Variants in ARMC3 observed in about 807,000 individuals in gnomAD.
ARMC3 encodes the protein armadillo repeat-containing protein 3.
Under a neutral mutation model 90.3 loss-of-function variants are expected in ARMC3, and 74 were observed. The ratio of observed to expected loss-of-function variants is 0.82; its 90% CI spans 0.68 to 0.99. ARMC3 has a LOEUF of 0.99. Ranked by LOEUF, ARMC3 falls within the 50% of genes least tolerant of loss-of-function variation. The probability of loss-of-function intolerance (pLI) is 0.00; values close to 1 mark genes in which losing one functional copy is unlikely to be tolerated. For missense variants in ARMC3, 958 were observed against 1,042.8 expected, an observed-to-expected ratio of 0.92 and a Z score of 1.12; for synonymous variants, 334 against 361.8, an observed-to-expected ratio of 0.92 and a Z score of 0.87.
chr10:22,954,387 A>T (rs377521288), intron 3 of ARMC3, among the ~76,000 whole-genome samples: 1 of 152,122 alleles, frequency 6.6e-6, no homozygotes, highest in African/African-American at 2.4e-5. Flanking sequence ...GGCCAGGCAC[A>T]GTGTCTTGTG....
intron 7 of ARMC3, among the ~76,000 whole-genome samples, chr10:22,963,922 CAAAAAAAAAA>C (rs35508443): frequency 0.25 from 13,577 of 53,690 alleles, 941 homozygotes; most frequent in Middle Eastern, 0.32. Flanking sequence ...CACACACACA[CAAAAAAAAAA>C]AAAAAAAAAA....
intron 1 of ARMC3, among the ~76,000 whole-genome samples, chr10:22,930,646 G>C (rs1382309348): frequency 6.6e-6 from 1 of 152,142 alleles, no homozygotes; most frequent in African/African-American, 2.4e-5. Flanking sequence ...TAATGTATGT[G>C]ATAAATTCTG....
intron 16 of ARMC3, among the ~76,000 whole-genome samples, chr10:23,012,084 C>T (rs1324527522): frequency 7.9e-5 from 12 of 152,168 alleles, no homozygotes; most frequent in Admixed American, 7.9e-4. Flanking sequence ...TTCTTCTGCT[C>T]TTCTTGGATT....
chr10:23,024,532 A>C (rs1838638410), intron 16 of ARMC3, among the ~76,000 whole-genome samples: 1 of 152,186 alleles, frequency 6.6e-6, no homozygotes, highest in Admixed American at 6.5e-5. Context: ...CAAGACAATG[A>C]TATTTTAAAG....
At position 23,037,464 on chromosome 10, in the gene ARMC3, T is replaced by G. The variant is rs201545383; in HGVS notation, c.2604T>G (p.Leu868=). 5.5e-5 allele frequency: 88 copies of G among 1,613,200 alleles called. No individual in the cohort carries two copies. Among genetic ancestry groups the G allele is most frequent in the Middle Eastern group, 3.3e-4 (2 of 6,076 alleles). ...AGTTGAGAAGTCGAGAGGCTGATCTTTACAGATTCATTTAAGCCATCAGAC... is the reference window on the plus strand; with the variant it reads ...AGTTGAGAAGTCGAGAGGCTGATCTGTACAGATTCATTTAAGCCATCAGAC... ...LMKLRSREAD[L]YRFI The change falls in exon 19 of 19, where the codon CTT becomes CTG. Residue 868 remains leucine (L), a synonymous_variant. Coordinates refer to ENST00000298032, the MANE Select transcript of ARMC3 (RefSeq NM_173081.5).
intron 12 of ARMC3, among the ~76,000 whole-genome samples, chr10:23,002,266 A>G (rs1837334013): frequency 6.6e-6 from 1 of 152,218 alleles, no homozygotes; most frequent in Admixed American, 6.5e-5. Context: ...CCCTTGAAAA[A>G]ATCACCTTCA....
At chr10:22,970,370 C>G (rs1835628543) in intron 8 of ARMC3, among the ~76,000 whole-genome samples, 2 of 152,124 alleles carry the variant, frequency 1.3e-5, no homozygotes, top group Admixed American at 6.6e-5. Context: ...ACCAGAAAGC[C>G]ACAGAACACT....
chr10:23,005,709 C>A (rs1837571346), intron 13 of ARMC3, among the ~76,000 whole-genome samples: 1 of 152,006 alleles, frequency 6.6e-6, no homozygotes, highest in African/African-American at 2.4e-5. Context: ...ACTAAAAATA[C>A]AAGAATTAGC....
In ARMC3 at chr10:23,037,539, A is replaced by T; in HGVS notation, c.*60A>T. The T allele has an allele frequency of 3.8e-6, 5 of 1,322,026 alleles. No homozygotes were observed. Among genetic ancestry groups the T allele is most frequent in the Non-Finnish European group, 4.1e-6 (4 of 979,016 alleles). 81.9% of individuals were successfully genotyped at this position (1,322,026 alleles called of 1,614,324 possible). On this transcript the variant is annotated 3_prime_UTR_variant, in exon 19 of 19. Transcript: ENST00000298032. ...AAATTCACTGTGTACACTCTCTAAG[A>T]CATTCTCCAAATTGATTTTATCTCT...
intron 15 of ARMC3, 51 bp downstream of exon 15, chr10:23,008,425 A>G (rs756089717): frequency 9.0e-6 from 9 of 998,970 alleles, no homozygotes; most frequent in Middle Eastern, 2.1e-4. Context: ...CTTTAATTTG[A>G]GTGTGAAAAA....
chr10:22,954,675 A>G (rs975104536), intron 3 of ARMC3, among the ~76,000 whole-genome samples: 3 of 139,502 alleles, frequency 2.2e-5, no homozygotes, highest in African/African-American at 8.2e-5. Flanking sequence ...CTGTCTCAAG[A>G]AAAAAAAAAA....
chr10:23,006,652 G>A (rs191475905), intron 13 of ARMC3: 12 of 440,966 alleles, frequency 2.7e-5, no homozygotes, highest in Admixed American at 7.5e-5. Context: ...TGAAACAGCC[G>A]AGTGTAAAGC....
At chr10:23,011,870 G>C (rs1276087575) in intron 16 of ARMC3, among the ~76,000 whole-genome samples, 3 of 152,160 alleles carry the variant, frequency 2.0e-5, no homozygotes, top group African/African-American at 7.2e-5. Flanking sequence ...CAGAATGTCA[G>C]CTGCCTCTGA....
At chr10:22,974,630 GTTT>G (rs67925451) in intron 8 of ARMC3, among the ~76,000 whole-genome samples, 1 of 148,796 alleles carries the variant, frequency 6.7e-6, no homozygotes, top group African/African-American at 2.5e-5. Context: ...TCTAAAATCT[GTTT>G]TTTTTTGTTT....
chr10:22,965,347 GTTTT>G (rs949356171), intron 7 of ARMC3, among the ~76,000 whole-genome samples: 5 of 152,110 alleles, frequency 3.3e-5, no homozygotes, highest in African/African-American at 7.2e-5. Flanking sequence ...TTGGCTGCTA[GTTTT>G]GTTTTCAGCA....
intron 2 of ARMC3, among the ~76,000 whole-genome samples, chr10:22,945,215 T>C (rs1148301): frequency 0.48 from 73,154 of 152,020 alleles, 21,353 homozygotes; most frequent in African/African-American, 0.83. Flanking sequence ...CTACCTAAAA[T>C]GAAACAATCT....
chr10:23,010,001 C>A (rs1231415757), intron 16 of ARMC3, among the ~76,000 whole-genome samples: 1 of 152,076 alleles, frequency 6.6e-6, no homozygotes, highest in Non-Finnish European at 1.5e-5. Flanking sequence ...TTGCCCTCAT[C>A]CTCAGACTGC....
At chr10:22,996,632 A>G (rs1483612594) in intron 10 of ARMC3, among the ~76,000 whole-genome samples, 2 of 152,152 alleles carry the variant, frequency 1.3e-5, no homozygotes, top group Non-Finnish European at 2.9e-5. Context: ...GGGTGACACC[A>G]ACTGAGCCCT....
chr10:22,944,131 C>T (rs552247337), intron 2 of ARMC3, among the ~76,000 whole-genome samples: 13 of 151,912 alleles, frequency 8.6e-5, no homozygotes, highest in Admixed American at 4.6e-4. Context: ...AGTTTGTGAA[C>T]GCCTGAACAT....
Sources: gnomAD v4.1 joint callset for allele counts (sites outside exome capture counted in the v4.1 genomes callset) on GRCh38, gnomAD v4.1.1 for gene constraint, MANE v1.5 for transcripts, NCBI Gene and HGNC (gene_info 2026-07-23, HGNC 2026-07-21) for gene names.